Variants in LAMA5 observed in about 807,000 individuals in gnomAD.
LAMA5 encodes the protein laminin subunit alpha-5.
A neutral mutation model predicts 433.4 loss-of-function variants in LAMA5; 260 were observed. The observed-to-expected ratio is 0.60, with a 90% CI of 0.54 to 0.66. The LOEUF (loss-of-function observed/expected upper bound fraction) is 0.66. Ranked by LOEUF, LAMA5 falls within the 30% of genes least tolerant of loss-of-function variation. The pLI is 0.00. For synonymous variants in LAMA5, 2,620 were observed against 2,226.6 expected, an observed-to-expected ratio of 1.18 and a Z score of -4.97; for missense variants, 5,378 against 5,258.5, an observed-to-expected ratio of 1.02 and a Z score of -0.70.
chr20:62,320,841 G>C lies in LAMA5; in HGVS notation c.6546C>G (p.Gly2182=). 2 of 1,612,452 alleles carry C rather than the reference G, an allele frequency of 1.2e-6. No homozygotes were observed. The highest frequency in any genetic ancestry group is 1.1e-5 in the South Asian group (1 of 91,070). ...VLLLDDLERA[G]ALLPAIHEQL... is the part of the protein sequence containing the mutation. ...GCTCGTGAATGGCGGGGAGGAGGGC[G>C]CCGGCCCGTTCCAGGTCATCCAGGA... Residue 2182 remains glycine (G), a synonymous_variant, in exon 49 of 80, where the codon GGC becomes GGG. Transcript: ENST00000252999.
rs1283952007 is a variant in LAMA5, at chr20:62,318,344, C to CGAGG, written c.7239+109_7239+110insCCTC. 3.5e-4 allele frequency: 116 copies of CGAGG among 335,346 alleles called. 4 individuals carry two copies. The highest frequency in any genetic ancestry group is 6.9e-4 in the African/African-American group (11 of 15,964). The allele number at this position is 335,346 out of a possible 1,614,324, so 20.8% of individuals were successfully genotyped here. ...GGGGGGAGGACGAGGGAGGGGAGGA[C>CGAGG]GGAGGGAGGGGAGGACGAGGGGAGG... On this transcript the variant is annotated intron_variant, in intron 53 of 79. Transcript: ENST00000252999.
At position 62,346,365 on chromosome 20, in the gene LAMA5, G is replaced by A. The variant is rs1469417331; in HGVS notation, c.1282+141C>T. 23 of 1,352,374 alleles carry A rather than the reference G, an allele frequency of 1.7e-5. No individual in the cohort carries two copies. The highest frequency in any genetic ancestry group is 2.5e-5 in the East Asian group (1 of 39,808). The allele number at this position is 1,352,374 out of a possible 1,614,324, so 83.8% of individuals were successfully genotyped here. ...GGGGGGACATGAGGGCTGGGGACCC[G>A]CCCCGTGGCCTGGGAGGCTCCTTCC... On this transcript the variant is annotated intron_variant, in intron 9 of 79. Transcript: ENST00000252999.
At chr20:62,328,093 G>C in intron 35 of LAMA5, 83 bp from the exon 36 acceptor site, 1 of 1,574,126 alleles carries the variant, frequency 6.4e-7, no homozygotes, top group Non-Finnish European at 8.6e-7. Flanking sequence ...CCCCACCCAG[G>C]CAGCATCCTC....
At chr20:62,351,835 C>A (rs558601312) in intron 5 of LAMA5, 34 bp from the exon 6 acceptor site, 1 of 1,585,666 alleles carries the variant, frequency 6.3e-7, no homozygotes, top group South Asian at 1.1e-5. Context: ...ACCAGGCGGC[C>A]AGGCCTCACT....
At position 62,337,853 on chromosome 20, in the gene LAMA5, A is replaced by G. The variant is rs745875745; in HGVS notation, c.1977T>C (p.Thr659=). 3 of 1,612,746 alleles carry G rather than the reference A, an allele frequency of 1.9e-6. No individual in the cohort carries two copies. Among genetic ancestry groups the G allele is most frequent in the Non-Finnish European group, 2.5e-6 (3 of 1,179,944 alleles). Residue 659 remains threonine, a synonymous_variant, in exon 15 of 80, where the codon ACT becomes ACC. Transcript: ENST00000252999. ...AGCCGGGGCTGCATTCCTGGCAGGC[A>G]GTGCCTGTGTAGCCGGGGCGGCAGC... is the stretch of plus-strand genomic sequence containing the variant. ...LCRCRPGYTG[T]ACQECSPGFH...
At chr20:62,315,228 G>C (rs1222244525) in intron 58 of LAMA5, 21 bp from the exon 59 acceptor site, 2 of 1,586,010 alleles carry the variant, frequency 1.3e-6, no homozygotes, top group African/African-American at 1.3e-5. Flanking sequence ...CAGAGGGCAG[G>C]CTCAGCAGGG....
At position 62,353,258 on chromosome 20, in the gene LAMA5, G is replaced by A. The variant is rs200936346; in HGVS notation, c.451-7C>T. ...CGTAGGCCACGTGGAAGACCTGTGG[G>A]CCGAGAGGGCGTCAGGGGAGCCAGG... On this transcript the variant is annotated splice_region_variant and splice_polypyrimidine_tract_variant and intron_variant, in intron 2 of 79. Transcript: ENST00000252999. The A allele has an allele frequency of 4.7e-5, 75 of 1,582,292 alleles. No homozygotes were observed. In the East Asian group the frequency reaches 1.0e-3, roughly 22 times the overall value.
intron 2 of LAMA5, among the ~76,000 whole-genome samples, chr20:62,361,008 G>A (rs1986070545): frequency 6.6e-6 from 1 of 152,134 alleles, no homozygotes; most frequent in Non-Finnish European, 1.5e-5. Flanking sequence ...CGTGGAGACT[G>A]GGCCATCTCC....
chr20:62,343,867 AG>A (rs1568961445), intron 11 of LAMA5, among the ~76,000 whole-genome samples: 1 of 151,552 alleles, frequency 6.6e-6, no homozygotes, highest in Non-Finnish European at 1.5e-5. Context: ...ATATCGTGCC[AG>A]GCATGGTGGT....
At chr20:62,319,128 A>G in intron 51 of LAMA5, 115 bp from the exon 52 acceptor site, 2 of 1,154,810 alleles carry the variant, frequency 1.7e-6, no homozygotes, top group Non-Finnish European at 2.4e-6. Context: ...AGGGGCCCGG[A>G]ACCTGAGCGC....
intron 13 of LAMA5, 33 bp downstream of exon 13, chr20:62,338,199 C>G (rs535497622): frequency 6.4e-7 from 1 of 1,574,316 alleles, no homozygotes; most frequent in South Asian, 1.2e-5. Context: ...CGGGCCTCCC[C>G]TACCCACGCC....
rs112008356 is a variant in LAMA5, at chr20:62,309,854, C to T, written c.10829-19G>A. 4,510 of 1,610,952 alleles carry T rather than the reference C, an allele frequency of 2.8e-3. 87 individuals carry two copies. In the African/African-American group the frequency reaches 0.045, roughly 16 times the overall value. ...TTCATCACTGGGAGAAAGGGGGACT[C>T]CTGAGGCCAGGTGGTCCTCAGCCCA... On this transcript the variant is annotated intron_variant, in intron 78 of 79. Coordinates refer to ENST00000252999, the MANE Select transcript of LAMA5 (RefSeq NM_005560.6).
At position 62,333,677 on chromosome 20, in the gene LAMA5, G is replaced by A. The variant is rs1422628674; in HGVS notation, c.2908C>T (p.Pro970Ser). ...ATGAAGGCAGGCTCCGTGCTGGGTG[G>A]GAAGGCCACGGGCTGACTCTGTGCT... ...CTAQSQPVAF[P>S]PSTEPAFITV... The change falls in exon 24 of 80, where the codon CCA becomes TCA. Residue 970 changes from proline to serine, a missense_variant. Physicochemically the swap from Pro to Ser is moderately conservative, Grantham distance 74. Coordinates refer to ENST00000252999, the MANE Select transcript of LAMA5 (RefSeq NM_005560.6). 6.3e-7 allele frequency: 1 copy of A among 1,595,160 alleles called. No individual in the cohort carries two copies. The highest frequency in any genetic ancestry group is 8.5e-7 in the Non-Finnish European group (1 of 1,172,696).
At chr20:62,320,157 A>T (rs891926372) in intron 50 of LAMA5, among the ~76,000 whole-genome samples, 1 of 151,874 alleles carries the variant, frequency 6.6e-6, no homozygotes, top group East Asian at 1.9e-4. Flanking sequence ...CATCTGTACT[A>T]AAAATACAAA....
Position 62,330,506 on chromosome 20 carries a change from C to T in LAMA5, c.3961G>A (p.Ala1321Thr), listed in dbSNP as rs1354516344. The part of the protein sequence containing the change: ...PTFPVEVLIN[A>T]GRVWQGHANA... Reference sequence around the variant, plus strand: ...CACTCACCCTGCCACACGCGGCCGGCGTTGATGAGGACTTCCACGGGGAAG... The same window carrying T: ...CACTCACCCTGCCACACGCGGCCGGTGTTGATGAGGACTTCCACGGGGAAG... The change falls in exon 31 of 80, where the codon GCC (alanine) becomes ACC (threonine). Residue 1321 changes from alanine (A) to threonine (T), a missense_variant. Physicochemically the swap from Ala to Thr is moderately conservative, Grantham distance 58. Coordinates refer to ENST00000252999, the MANE Select transcript of LAMA5 (RefSeq NM_005560.6). The T allele has an allele frequency of 9.0e-6, 14 of 1,562,914 alleles. No individual in the cohort carries two copies. The highest frequency in any genetic ancestry group is 2.3e-5 in the East Asian group (1 of 42,942).
Position 62,318,997 on chromosome 20 carries a change from C to T in LAMA5, c.6888G>A (p.Thr2296=), listed in dbSNP as rs747264827. 2.1e-5 allele frequency: 34 copies of T among 1,586,198 alleles called. No individual in the cohort carries two copies. Among genetic ancestry groups the T allele is most frequent in the Admixed American group, 3.6e-5 (2 of 56,304 alleles). ...DRTLSELMSQ[T]GHLGLANASA... is the part of the protein sequence containing the mutation. ...AGGCATTGGCCAGCCCCAGGTGGCCCGTCTGGGACATGAGCTCTGTGGGGC... is the reference window on the plus strand; with the variant it reads ...AGGCATTGGCCAGCCCCAGGTGGCCTGTCTGGGACATGAGCTCTGTGGGGC... The change falls in exon 52 of 80, where the codon ACG becomes ACA. Residue 2296 remains threonine (T), a synonymous_variant. Transcript: ENST00000252999.
rs751720858 is a variant in LAMA5, at chr20:62,366,924, C to A, written c.297+25G>T. ...CGGGTCCGAGTGCCCCGGGAGGAAG[C>A]CCCACGGCCCGCCCCTGCGCTCACC... On this transcript the variant is annotated intron_variant, in intron 1 of 79. Coordinates refer to ENST00000252999, the MANE Select transcript of LAMA5 (RefSeq NM_005560.6). 1.4e-5 allele frequency: 17 copies of A among 1,249,672 alleles called. No homozygotes were observed. The Admixed American group carries it at 4.6e-4, about 34-fold the overall frequency. 77.4% of individuals were successfully genotyped at this position (1,249,672 alleles called of 1,614,324 possible). A position where few individuals can be genotyped will look rare whatever the true frequency, so the allele number is the denominator to read the frequency against.
At chr20:62,315,880 G>T in intron 58 of LAMA5, 68 bp downstream of exon 58, 1 of 1,211,890 alleles carries the variant, frequency 8.3e-7, no homozygotes, top group Non-Finnish European at 1.2e-6. Flanking sequence ...AACCACATGT[G>T]GCCAGCGCCA....
intron 6 of LAMA5, among the ~76,000 whole-genome samples, chr20:62,347,497 A>G (rs1169638206): frequency 2.0e-5 from 3 of 152,140 alleles, no homozygotes; most frequent in Admixed American, 6.5e-5. Context: ...AAAGGGGTCC[A>G]TTTGCACCCC....
Sources: gnomAD v4.1 joint callset for allele counts (sites outside exome capture counted in the v4.1 genomes callset) on GRCh38, gnomAD v4.1.1 for gene constraint, MANE v1.5 for transcripts, NCBI Gene and HGNC (gene_info 2026-07-23, HGNC 2026-07-21) for gene names.